CSMD1: variants seen among roughly 807,000 people sequenced by gnomAD.
CSMD1 encodes the protein CUB and Sushi multiple domains 1.
A neutral mutation model predicts 417.5 loss-of-function variants in CSMD1; 213 were observed. The ratio of observed to expected loss-of-function variants is 0.51; its 90% CI spans 0.46 to 0.57. The LOEUF (loss-of-function observed/expected upper bound fraction) is 0.57. Among genes scored for constraint, CSMD1 ranks in the 20% least tolerant of loss-of-function variants. The probability of loss-of-function intolerance (pLI) is 0.00; values close to 1 mark genes in which losing one functional copy is unlikely to be tolerated. For missense variants in CSMD1, 6,923 were observed against 4,529.7 expected, an observed-to-expected ratio of 1.53 and a Z score of -15.17; for synonymous variants, 2,862 against 1,736.8, an observed-to-expected ratio of 1.65 and a Z score of -16.11.
intron 10 of CSMD1, among the ~76,000 whole-genome samples, chr8:3,540,201 A>G (rs749798189): frequency 1.3e-5 from 2 of 152,180 alleles, no homozygotes; most frequent in Admixed American, 6.6e-5. Flanking sequence ...CCTTATTCCA[A>G]TGTTTTAGGC....
At chr8:4,434,744 T>C (rs143752688) in intron 2 of CSMD1, among the ~76,000 whole-genome samples, 1 of 152,160 alleles carries the variant, frequency 6.6e-6, no homozygotes, top group African/African-American at 2.4e-5. Flanking sequence ...ATTTTGGGAC[T>C]TAGCTCTTAG....
At chr8:4,411,833 A>G (rs1003862223) in intron 3 of CSMD1, among the ~76,000 whole-genome samples, 4 of 152,328 alleles carry the variant, frequency 2.6e-5, no homozygotes, top group Admixed American at 1.3e-4. Context: ...ACTTTTATTT[A>G]TATTTTTACC....
intron 1 of CSMD1, among the ~76,000 whole-genome samples, chr8:4,926,213 G>C (rs748383620): frequency 4.6e-5 from 7 of 152,176 alleles, no homozygotes; most frequent in Non-Finnish European, 8.8e-5. Flanking sequence ...AAAGAAAGAG[G>C]CTGCTATTAC....
chr8:3,734,366 A>G lies in CSMD1; in HGVS notation c.931+19564T>C, dbSNP rs576771332. On this transcript the variant is annotated intron_variant, in intron 6 of 69. Coordinates refer to ENST00000635120, the MANE Select transcript of CSMD1 (RefSeq NM_033225.6). The stretch of plus-strand genomic sequence containing the variant: ...GAGGGCTGTTCGACAGCATCGTAGA[A>G]AAATGGATTTGCTTCTGCCTGGAAG... 2.5e-4 allele frequency among the ~76,000 whole-genome samples: 38 copies of G among 152,330 alleles called. No homozygotes were observed. In the South Asian group the frequency reaches 7.9e-3, roughly 32 times the overall value.
At chr8:4,489,749 G>T (rs143987438) in intron 2 of CSMD1, among the ~76,000 whole-genome samples, 192 of 152,306 alleles carry the variant, frequency 1.3e-3, no homozygotes, top group African/African-American at 4.5e-3. Context: ...AGCAGCTGCC[G>T]CGGTGTGAGA....
chr8:3,678,102 G>A (rs571896675), intron 7 of CSMD1, among the ~76,000 whole-genome samples: 9 of 152,256 alleles, frequency 5.9e-5, no homozygotes, highest in Non-Finnish European at 8.8e-5. Context: ...AGCTCCCAGA[G>A]TGAGCGACGC....
chr8:3,815,735 T>G (rs538265037), intron 5 of CSMD1, among the ~76,000 whole-genome samples: 13 of 152,122 alleles, frequency 8.5e-5, no homozygotes, highest in East Asian at 1.9e-4. Flanking sequence ...GAGATTCTCA[T>G]GTACATAACA....
At chr8:4,804,546 A>G (rs796281583) in intron 1 of CSMD1, among the ~76,000 whole-genome samples, 3 of 149,838 alleles carry the variant, frequency 2.0e-5, no homozygotes, top group African/African-American at 7.3e-5. Flanking sequence ...AGAGAGAGGG[A>G]GGGAGGAACA....
At chr8:4,043,029 G>A (rs111790695) in intron 3 of CSMD1, among the ~76,000 whole-genome samples, 3 of 151,914 alleles carry the variant, frequency 2.0e-5, no homozygotes, top group African/African-American at 7.3e-5. Context: ...CTACTTGGGA[G>A]GTTGAAGCAG....
At chr8:4,385,969 TCTTTC>T (rs1257150125) in intron 3 of CSMD1, among the ~76,000 whole-genome samples, 2 of 152,078 alleles carry the variant, frequency 1.3e-5, no homozygotes, top group Non-Finnish European at 2.9e-5. Context: ...AGCATCAGCA[TCTTTC>T]CTTTAAGTTC....
At chr8:4,074,040 G>C (rs368161986) in intron 3 of CSMD1, among the ~76,000 whole-genome samples, 17 of 152,068 alleles carry the variant, frequency 1.1e-4, no homozygotes, top group East Asian at 9.6e-4. Flanking sequence ...TCTGCTTTTA[G>C]ACATTTAGTT....
At chr8:3,367,629 A>G (rs1213094647) in intron 19 of CSMD1, among the ~76,000 whole-genome samples, 1 of 152,198 alleles carries the variant, frequency 6.6e-6, no homozygotes. Context: ...CGGCTTTAGA[A>G]ATGAAAAAAA....
intron 1 of CSMD1, among the ~76,000 whole-genome samples, chr8:4,956,708 A>C (rs974308996): frequency 1.2e-4 from 19 of 152,178 alleles, no homozygotes; most frequent in African/African-American, 4.1e-4. Flanking sequence ...TGATGAACTT[A>C]ATGTTCCAAC....
chr8:4,104,839 C>A (rs904124361), intron 3 of CSMD1, among the ~76,000 whole-genome samples: 2 of 152,148 alleles, frequency 1.3e-5, no homozygotes, highest in Non-Finnish European at 2.9e-5. Context: ...GAGATCAAAG[C>A]CTCTGAGTGC....
chr8:4,834,813 C>A (rs1020296580), intron 1 of CSMD1, among the ~76,000 whole-genome samples: 1 of 151,104 alleles, frequency 6.6e-6, no homozygotes, highest in Non-Finnish European at 1.5e-5. Flanking sequence ...AAAAATTAGC[C>A]GGGCGTGGTG....
At chr8:4,784,311 A>C (rs1797296798) in intron 1 of CSMD1, among the ~76,000 whole-genome samples, 1 of 152,252 alleles carries the variant, frequency 6.6e-6, no homozygotes, top group South Asian at 2.1e-4. Context: ...TCCCAACTCA[A>C]ATAGAAAAGC....
chr8:3,345,525 C>G (rs1321080059), intron 22 of CSMD1, among the ~76,000 whole-genome samples: 2 of 152,154 alleles, frequency 1.3e-5, no homozygotes, highest in Non-Finnish European at 2.9e-5. Flanking sequence ...AGTCAGAAGA[C>G]TTGATTTCTG....
intron 2 of CSMD1, among the ~76,000 whole-genome samples, chr8:4,591,380 A>C (rs566876855): frequency 6.6e-6 from 1 of 152,234 alleles, no homozygotes; most frequent in Non-Finnish European, 1.5e-5. Context: ...TGGATATATG[A>C]ATACAACTAT....
At chr8:4,969,707 C>T (rs184763287) in intron 1 of CSMD1, among the ~76,000 whole-genome samples, 53 of 152,086 alleles carry the variant, frequency 3.5e-4, no homozygotes, top group African/African-American at 9.6e-4. Flanking sequence ...AAGATTCCTG[C>T]GGCTGGCTTT....
Sources: gnomAD v4.1 joint callset for allele counts (sites outside exome capture counted in the v4.1 genomes callset) on GRCh38, gnomAD v4.1.1 for gene constraint, MANE v1.5 for transcripts, NCBI Gene and HGNC (gene_info 2026-07-23, HGNC 2026-07-21) for gene names.